The following FSTL5 variants were observed in gnomAD, a reference collection of about 807,000 sequenced individuals.
FSTL5 encodes the protein follistatin-related protein 5.
In FSTL5, 62 loss-of-function variants were observed where a neutral mutation model predicts 89.1. The ratio of observed to expected loss-of-function variants is 0.70; its 90% CI spans 0.57 to 0.86. The LOEUF (loss-of-function observed/expected upper bound fraction) is 0.86, where lower values mean the gene tolerates loss of function less well. Among genes scored for constraint, FSTL5 ranks in the 40% least tolerant of loss-of-function variants. FSTL5 has a pLI of 0.00. For synonymous variants in FSTL5, 383 were observed against 346.2 expected, an observed-to-expected ratio of 1.11 and a Z score of -1.18; for missense variants, 1,057 against 1,001.6, an observed-to-expected ratio of 1.06 and a Z score of -0.75.
chr4:161,937,689 T>A (rs1028030334), intron 3 of FSTL5, among the ~76,000 whole-genome samples: 1 of 152,152 alleles, frequency 6.6e-6, no homozygotes, highest in Non-Finnish European at 1.5e-5. Flanking sequence ...CTCCTTTTCA[T>A]GCCCTGATAC....
intron 4 of FSTL5, among the ~76,000 whole-genome samples, chr4:161,781,636 C>A (rs908801937): frequency 3.3e-5 from 5 of 152,044 alleles, no homozygotes; most frequent in African/African-American, 1.2e-4. Flanking sequence ...TTATAGAGTT[C>A]CAATATACCC....
chr4:161,783,727 T>TTTC (rs1560843819), intron 4 of FSTL5, among the ~76,000 whole-genome samples: 417 of 16,370 alleles, frequency 0.025, 101 homozygotes, highest in African/African-American at 0.05. Context: ...TTCTTTCTTC[T>TTTC]TTTCTTTTCT....
At chr4:161,533,448 T>C (rs1367422985) in intron 10 of FSTL5, among the ~76,000 whole-genome samples, 1 of 152,098 alleles carries the variant, frequency 6.6e-6, no homozygotes, top group Non-Finnish European at 1.5e-5. Flanking sequence ...TGAACACCTC[T>C]ATGCACACGA....
chr4:161,959,540 T>A (rs1735114330), intron 3 of FSTL5, among the ~76,000 whole-genome samples: 1 of 152,024 alleles, frequency 6.6e-6, no homozygotes, highest in Admixed American at 6.6e-5. Context: ...AACAGCTAAT[T>A]GAGATAATGG....
At chr4:161,709,099 G>T (rs1738687459) in intron 6 of FSTL5, among the ~76,000 whole-genome samples, 3 of 152,058 alleles carry the variant, frequency 2.0e-5, no homozygotes, top group African/African-American at 7.2e-5. Flanking sequence ...GTCCTAAATG[G>T]ACCTAATATA....
rs192012045 is a variant in FSTL5 at position 161,721,454 on chromosome 4, G to C, written c.727+37957C>G. Among the ~76,000 whole-genome samples the C allele has an allele frequency of 1.2e-3, 182 of 152,096 alleles. 1 individual carries two copies. Among genetic ancestry groups the C allele is most frequent in the African/African-American group, 3.8e-3 (159 of 41,502 alleles). ...ATATTAATAAAATTGGTTATGGTGAGGGTTACACACGTATATACTTATCTC... is the reference window on the plus strand; with the variant it reads ...ATATTAATAAAATTGGTTATGGTGACGGTTACACACGTATATACTTATCTC... On this transcript the variant is annotated intron_variant, in intron 6 of 15. Coordinates refer to ENST00000306100, the MANE Select transcript of FSTL5 (RefSeq NM_020116.5).
At chr4:162,033,958 C>A (rs976581469) in intron 2 of FSTL5, among the ~76,000 whole-genome samples, 1 of 152,032 alleles carries the variant, frequency 6.6e-6, no homozygotes, top group African/African-American at 2.4e-5. Flanking sequence ...ATCATTATGC[C>A]AGGCTAATAT....
intron 6 of FSTL5, among the ~76,000 whole-genome samples, chr4:161,705,571 A>G (rs1738538448): frequency 6.6e-6 from 1 of 151,992 alleles, no homozygotes; most frequent in African/African-American, 2.4e-5. Context: ...TTTTGCTTAA[A>G]TACAAAAGAT....
chr4:161,799,261 C>T (rs554290709), intron 4 of FSTL5, among the ~76,000 whole-genome samples: 1 of 151,694 alleles, frequency 6.6e-6, no homozygotes, highest in East Asian at 1.9e-4. Flanking sequence ...TCCCCGCCGC[C>T]AAGTGTTAGA....
intron 4 of FSTL5, 29 bp downstream of exon 4, chr4:161,920,375 G>A (rs368146767): frequency 2.2e-5 from 35 of 1,602,878 alleles, no homozygotes; most frequent in Non-Finnish European, 2.8e-5. Flanking sequence ...ATAGAGTGGG[G>A]TGACACTTAA....
At chr4:161,476,190 T>G (rs79599854) in intron 13 of FSTL5, among the ~76,000 whole-genome samples, 1,005 of 61,128 alleles carry the variant, frequency 0.016, 32 homozygotes, top group Non-Finnish European at 0.027. Context: ...TTTTTTTTTG[T>G]TTGTTTGTTT....
chr4:161,456,015 G>A (rs976176269), intron 14 of FSTL5, among the ~76,000 whole-genome samples: 2 of 152,078 alleles, frequency 1.3e-5, no homozygotes, highest in African/African-American at 4.8e-5. Flanking sequence ...TTTAGAGTTA[G>A]TTTGTTTTTC....
chr4:161,682,722 T>C (rs890734476), intron 6 of FSTL5, among the ~76,000 whole-genome samples: 9 of 152,024 alleles, frequency 5.9e-5, no homozygotes, highest in Admixed American at 3.3e-4. Flanking sequence ...AAGACCTGGC[T>C]GAGGCTGTTT....
intron 1 of FSTL5, among the ~76,000 whole-genome samples, chr4:162,112,775 T>TCACACACACACACACACA (rs71598742): frequency 7.0e-4 from 97 of 139,418 alleles, no homozygotes; most frequent in African/African-American, 1.8e-3. Flanking sequence ...ACCGACACAA[T>TCACACACACACACACACA]CACACACACA....
chr4:161,791,491 T>C (rs1341789619), intron 4 of FSTL5, among the ~76,000 whole-genome samples: 1 of 152,228 alleles, frequency 6.6e-6, no homozygotes, highest in East Asian at 1.9e-4. Flanking sequence ...ATATAATCTT[T>C]GTTACCACTA....
rs1441440420 is a variant in FSTL5, at chr4:162,153,704, T to TAATAATATGTATATTA, written c.-17+9910_-17+9911insTAATATACATATTATT. 1.4e-5 allele frequency among the ~76,000 whole-genome samples: 2 copies of TAATAATATGTATATTA among 137,998 alleles called. 1 individual carries two copies. The highest frequency in any genetic ancestry group is 3.1e-5 in the Non-Finnish European group (2 of 65,394). 90.5% of individuals were successfully genotyped at this position (137,998 alleles called of 152,430 possible). A position where few individuals can be genotyped will look rare whatever the true frequency, so the allele number is the denominator to read the frequency against. On this transcript the variant is annotated intron_variant, in intron 1 of 15. Coordinates refer to ENST00000306100, the MANE Select transcript of FSTL5 (RefSeq NM_020116.5). ...ATGTATATAATAATATATATGTATA[T>TAATAATATGTATATTA]TATATATGTATATAATAATATATGT...
At chr4:161,872,842 CAATT>C (rs966394545) in intron 4 of FSTL5, among the ~76,000 whole-genome samples, 53 of 151,806 alleles carry the variant, frequency 3.5e-4, no homozygotes, top group African/African-American at 1.2e-3. Flanking sequence ...ATTTGAGAAA[CAATT>C]AATTATATGT....
At chr4:161,602,160 TAA>T (rs973884599) in intron 7 of FSTL5, among the ~76,000 whole-genome samples, 8 of 133,482 alleles carry the variant, frequency 6.0e-5, no homozygotes, top group Non-Finnish European at 1.3e-4. Context: ...TATAAATAAA[TAA>T]GACACACACA....
In FSTL5 at chr4:161,693,912, A is replaced by G. The variant is rs150280403; in HGVS notation, c.728-37418T>C. On this transcript the variant is annotated intron_variant, in intron 6 of 15. Coordinates refer to ENST00000306100, the MANE Select transcript of FSTL5 (RefSeq NM_020116.5). ...CTCAGCCTCCCAAAGTGCTAGGATT[A>G]CAGGCGTGAGCCACTGTGCCCAGCC... is the stretch of plus-strand genomic sequence containing the variant. Among the ~76,000 whole-genome samples the G allele has an allele frequency of 8.0e-3, 1,225 of 152,222 alleles. 13 individuals are homozygous for G. The highest frequency in any genetic ancestry group is 0.026 in the African/African-American group (1,068 of 41,538).
Sources: gnomAD v4.1 joint callset for allele counts (sites outside exome capture counted in the v4.1 genomes callset) on GRCh38, gnomAD v4.1.1 for gene constraint, MANE v1.5 for transcripts, NCBI Gene and HGNC (gene_info 2026-07-23, HGNC 2026-07-21) for gene names.